The following DHX38 variants were observed in gnomAD, a reference collection of about 807,000 sequenced individuals.
The protein encoded by DHX38 is DEAH-box helicase 38, also known as pre-mRNA-splicing factor ATP-dependent RNA helicase PRP16.
In DHX38, 100 loss-of-function variants were observed where a neutral mutation model predicts 153.1. That is an observed-to-expected ratio of 0.65 (90% CI 0.56 to 0.77). The LOEUF (loss-of-function observed/expected upper bound fraction) is 0.77, where lower values mean the gene tolerates loss of function less well. Among genes scored for constraint, DHX38 ranks in the 30% least tolerant of loss-of-function variants. The pLI, the probability that DHX38 is intolerant of heterozygous loss-of-function variation, is 0.00. For synonymous variants in DHX38, 650 were observed against 631.7 expected, an observed-to-expected ratio of 1.03 and a Z score of -0.43; for missense variants, 1,440 against 1,654.0, an observed-to-expected ratio of 0.87 and a Z score of 2.24.
intron 3 of DHX38, 22 bp from the exon 4 acceptor site, chr16:72,097,655 A>C: frequency 6.2e-7 from 1 of 1,610,262 alleles, no homozygotes; most frequent in Non-Finnish European, 8.5e-7. Context: ...CATGTTTTTA[A>C]GCTTCGTGTG....
At chr16:72,100,732 G>T in intron 9 of DHX38, 135 bp downstream of exon 9, 4 of 1,280,862 alleles carry the variant, frequency 3.1e-6, no homozygotes, top group Non-Finnish European at 4.3e-6. Context: ...GGAGTTCAAG[G>T]CCTGCCTGGG....
Position 72,105,154 on chromosome 16 carries a change from C to G in DHX38, c.2262+17C>G. ...GACATTGAGGTGCGTGCCTTGGTCA[C>G]GACTGTGATGAGCGGGTGTGTCTTG... On this transcript the variant is annotated intron_variant, in intron 16 of 26. Coordinates refer to ENST00000268482, the MANE Select transcript of DHX38 (RefSeq NM_014003.4). The G allele has an allele frequency of 6.2e-7, 1 of 1,613,990 alleles. No individual in the cohort carries two copies. The highest frequency in any genetic ancestry group is 2.2e-5 in the East Asian group (1 of 44,886).
chr16:72,102,832 G>C (rs549605746), intron 11 of DHX38, among the ~76,000 whole-genome samples: 1 of 152,324 alleles, frequency 6.6e-6, no homozygotes, highest in Admixed American at 6.5e-5. Context: ...TAAATCCTCC[G>C]ATCCATGTTC....
In DHX38 at chr16:72,105,316, C is replaced by G; in HGVS notation, c.2347C>G (p.Pro783Ala). 2 of 1,614,186 alleles carry G rather than the reference C, an allele frequency of 1.2e-6. No individual in the cohort carries two copies. The highest frequency in any genetic ancestry group is 1.7e-6 in the Non-Finnish European group (2 of 1,180,034). ...TGTGCTGCCCATCTACTCTCAGCTG[C>G]CTTCTGACCTCCAGGCCAAAATCTT... Reference protein sequence around the residue: ...LAVLPIYSQLPSDLQAKIFQK... With the variant: ...LAVLPIYSQLASDLQAKIFQK... The change falls in exon 17 of 27, where the codon CCT becomes GCT. Residue 783 changes from proline to alanine, a missense_variant. Transcript: ENST00000268482.
rs760487486 is a variant in DHX38, at chr16:72,098,710, T to C, written c.682T>C (p.Ser228Pro). 1.2e-6 allele frequency: 2 copies of C among 1,613,928 alleles called. No individual in the cohort carries two copies. The highest frequency in any genetic ancestry group is 1.7e-6 in the Non-Finnish European group (2 of 1,179,946). Reference protein sequence around the residue: ...EDSGYGSSRRSQWESPSPTPS... With the variant: ...EDSGYGSSRRPQWESPSPTPS... ...CAGTGGCTATGGCTCCTCAAGGCGC[T>C]CACAGTGGGAATCGCCCTCCCCGAC... The change falls in exon 5 of 27, where the codon TCA (serine) becomes CCA (proline). Residue 228 changes from serine (S) to proline (P), a missense_variant. This residue lies in a region of DHX38 where 483 missense variants were observed against 465.1 expected (regional missense o/e 1.04). Coordinates refer to ENST00000268482, the MANE Select transcript of DHX38 (RefSeq NM_014003.4).
Position 72,104,275 on chromosome 16 carries a change from G to A in DHX38, c.2010+144G>A, listed in dbSNP as rs909249899. 6.1e-5 allele frequency: 75 copies of A among 1,235,026 alleles called. No homozygotes were observed. Among genetic ancestry groups the A allele is most frequent in the Non-Finnish European group, 8.1e-5 (73 of 904,870 alleles). 76.5% of individuals were successfully genotyped at this position (1,235,026 alleles called of 1,614,324 possible). The stretch of plus-strand genomic sequence containing the variant: ...GCCTCTGGTTGCAGTTCAGACTCGG[G>A]TTGTAGTTCATGCTGTTCTTGCTCT... On this transcript the variant is annotated intron_variant, in intron 14 of 26. Transcript: ENST00000268482. The surrounding 1 kb of genome is among the most constrained non-coding windows in gnomAD (Gnocchi z 4.5).
Position 72,103,597 on chromosome 16 carries a change from T to C in DHX38, c.1638-5T>C, listed in dbSNP as rs1301499557. The C allele has an allele frequency of 1.9e-6, 3 of 1,602,524 alleles. No homozygotes were observed. The highest frequency in any genetic ancestry group is 1.7e-5 in the Admixed American group (1 of 59,812). On this transcript the variant is annotated splice_polypyrimidine_tract_variant and splice_region_variant and intron_variant, in intron 12 of 26. Transcript: ENST00000268482. Reference sequence around the variant, plus strand: ...GATAAGCCCTTTGCCTGCTTGTCCTTGTAGAGACAACAGCATCGTGATCGT... The same window carrying C: ...GATAAGCCCTTTGCCTGCTTGTCCTCGTAGAGACAACAGCATCGTGATCGT...
chr16:72,101,881 T>A (rs2042106759), intron 11 of DHX38, among the ~76,000 whole-genome samples: 1 of 152,168 alleles, frequency 6.6e-6, no homozygotes, highest in South Asian at 2.1e-4. Context: ...GTAACTTGTC[T>A]GAGGTCACCC....
intron 1 of DHX38, among the ~76,000 whole-genome samples, chr16:72,095,561 A>G (rs2042001169): frequency 6.6e-6 from 1 of 152,220 alleles, no homozygotes. Flanking sequence ...ATTTATGTTA[A>G]CTGTTATGGT....
At chr16:72,108,992 CTG>C in intron 24 of DHX38, 67 bp downstream of exon 24, 1 of 1,530,004 alleles carries the variant, frequency 6.5e-7, no homozygotes, top group Admixed American at 2.1e-5. Context: ...AAACCCTTCA[CTG>C]CGTTCTGGCA....
intron 4 of DHX38, among the ~76,000 whole-genome samples, chr16:72,098,135 T>C (rs977208518): frequency 4.6e-5 from 7 of 152,216 alleles, no homozygotes; most frequent in Admixed American, 2.0e-4. Flanking sequence ...AAACACAGAA[T>C]GCAAACTGGA....
chr16:72,108,959 GCCCC>G, intron 24 of DHX38, 34 bp downstream of exon 24: 1 of 1,558,260 alleles, frequency 6.4e-7, no homozygotes, highest in Admixed American at 1.9e-5. Flanking sequence ...CATAATGCAG[GCCCC>G]CTGTCTGGCC....
chr16:72,099,373 A>G (rs989503830), intron 7 of DHX38, 93 bp downstream of exon 7: 5 of 1,186,176 alleles, frequency 4.2e-6, no homozygotes, highest in Middle Eastern at 5.4e-4. Context: ...ATGAGGGTAC[A>G]CCTGAGCCCT....
Position 72,103,016 on chromosome 16 carries a change from A to G in DHX38, c.1500-58A>G, listed in dbSNP as rs1484463748. Reference sequence around the variant, plus strand: ...GCGTAGGAAGGAGGGCAGCAACCCAATCAGGAAGGACAGCATGGGGCACCA... The same window carrying G: ...GCGTAGGAAGGAGGGCAGCAACCCAGTCAGGAAGGACAGCATGGGGCACCA... On this transcript the variant is annotated intron_variant, in intron 11 of 26. Coordinates refer to ENST00000268482, the MANE Select transcript of DHX38 (RefSeq NM_014003.4). 29 of 1,592,684 alleles carry G rather than the reference A, an allele frequency of 1.8e-5. No individual in the cohort carries two copies. The East Asian group carries it at 5.8e-4, about 32-fold the overall frequency.
chr16:72,097,282 A>G, intron 3 of DHX38: 1 of 406,628 alleles, frequency 2.5e-6, no homozygotes, highest in Non-Finnish European at 4.4e-6. Flanking sequence ...TGTATAAGAG[A>G]CCAGCATTTC....
chr16:72,109,677 A>C (rs1306658208), intron 25 of DHX38, 167 bp downstream of exon 25: 1 of 562,592 alleles, frequency 1.8e-6, no homozygotes, highest in Non-Finnish European at 2.9e-6. Flanking sequence ...CACCCACTCC[A>C]GTTGTTTGGT....
In DHX38 at chr16:72,112,791, CG is replaced by C. The variant is rs2042275460; in HGVS notation, c.*295del. 2.8e-6 allele frequency: 2 copies of C among 702,544 alleles called. No individual in the cohort carries two copies. Among genetic ancestry groups the C allele is most frequent in the African/African-American group, 3.5e-5 (2 of 57,208 alleles). The allele number at this position is 702,544 out of a possible 1,614,324, so 43.5% of individuals were successfully genotyped here. A position where few individuals can be genotyped will look rare whatever the true frequency, so the allele number is the denominator to read the frequency against. Reference sequence around the variant, plus strand: ...ACTGGCCCAGGACACTTGGTGTATGCGTGACTTGGCTGTGGCTGTCTTTTTT... The same window carrying C: ...ACTGGCCCAGGACACTTGGTGTATGCTGACTTGGCTGTGGCTGTCTTTTTT... On this transcript the variant is annotated 3_prime_UTR_variant, in exon 27 of 27. Transcript: ENST00000268482.
At chr16:72,100,220 G>C (rs1323037915) in intron 8 of DHX38, among the ~76,000 whole-genome samples, 3 of 152,180 alleles carry the variant, frequency 2.0e-5, no homozygotes, top group Non-Finnish European at 4.4e-5. Context: ...TAGAGGTTCT[G>C]ATTTAGATGA....
intron 11 of DHX38, among the ~76,000 whole-genome samples, chr16:72,102,313 T>C (rs1057365434): frequency 6.6e-6 from 1 of 152,186 alleles, no homozygotes; most frequent in Non-Finnish European, 1.5e-5. Context: ...GTATTAGTTA[T>C]TGGGTGACCA....
Sources: gnomAD v4.1 joint callset for allele counts (sites outside exome capture counted in the v4.1 genomes callset) on GRCh38, gnomAD v4.1.1 for gene constraint, gnomAD v4.1.1 regional missense constraint, Gnocchi (gnomAD v3.1) non-coding constraint, MANE v1.5 for transcripts, NCBI Gene and HGNC (gene_info 2026-07-23, HGNC 2026-07-21) for gene names.